GPC6: variants seen among roughly 807,000 people sequenced by gnomAD.
The protein encoded by GPC6 is glypican-6.
GPC6 carries 14 observed loss-of-function variants against 55.2 expected under a neutral mutation model. The observed-to-expected ratio is 0.25, with a 90% CI of 0.17 to 0.40. The LOEUF (loss-of-function observed/expected upper bound fraction) is 0.40, where lower values mean the gene tolerates loss of function less well. Among genes scored for constraint, GPC6 ranks in the 10% least tolerant of loss-of-function variants. The pLI, the probability that GPC6 is intolerant of heterozygous loss-of-function variation, is 1.00. For missense variants in GPC6, 641 were observed against 708.5 expected, an observed-to-expected ratio of 0.90 and a Z score of 1.08; for synonymous variants, 278 against 259.6, an observed-to-expected ratio of 1.07 and a Z score of -0.68.
In GPC6 at chr13:93,227,545, G is replaced by T; in HGVS notation, c.89G>T (p.Cys30Phe). ...GGGGCGGATGTGAAGGCTCGGAGCT[G>T]CGGAGAGGTCCGCCAGGCGTACGGT... is the stretch of plus-strand genomic sequence containing the variant. ...PAGADVKARSCGEVRQAYGAK... is the reference protein window; with the variant it reads ...PAGADVKARSFGEVRQAYGAK... The change falls in exon 1 of 9, where the codon TGC (cysteine) becomes TTC (phenylalanine). Residue 30 changes from cysteine (C) to phenylalanine (F), a missense_variant. By Grantham distance (205) the Cys-to-Phe change is radical (BLOSUM62 -2). Coordinates refer to ENST00000377047, the MANE Select transcript of GPC6 (RefSeq NM_005708.5). This position sits in a 1 kb window ranked among gnomAD's most constrained non-coding sequence, Gnocchi z 4.3. The T allele has an allele frequency of 6.2e-7, 1 of 1,613,450 alleles. No individual in the cohort carries two copies. Among genetic ancestry groups the T allele is most frequent in the Non-Finnish European group, 8.5e-7 (1 of 1,179,654 alleles).
chr13:93,634,876 A>G (rs1879628223), intron 2 of GPC6, among the ~76,000 whole-genome samples: 2 of 152,198 alleles, frequency 1.3e-5, no homozygotes, highest in African/African-American at 4.8e-5. Context: ...AGTAAAAGAA[A>G]GGTGAAAGAA....
chr13:93,793,322 T>C (rs1204336331), intron 2 of GPC6, among the ~76,000 whole-genome samples: 1 of 152,186 alleles, frequency 6.6e-6, no homozygotes, highest in Non-Finnish European at 1.5e-5. Flanking sequence ...TCTGCTTCAG[T>C]TGAGAAATCC....
At chr13:93,288,761 G>A (rs552623579) in intron 1 of GPC6, among the ~76,000 whole-genome samples, 14 of 152,288 alleles carry the variant, frequency 9.2e-5, no homozygotes, top group African/African-American at 2.9e-4. Flanking sequence ...TAACCAATGA[G>A]TGACCTTCAG....
intron 6 of GPC6, among the ~76,000 whole-genome samples, chr13:94,315,322 A>G (rs1354071297): frequency 6.6e-6 from 1 of 152,242 alleles, no homozygotes; most frequent in Non-Finnish European, 1.5e-5. Context: ...GCCCACAACA[A>G]CACAAGTTTA....
chr13:93,929,981 G>A (rs1878073743), intron 3 of GPC6, among the ~76,000 whole-genome samples: 2 of 152,186 alleles, frequency 1.3e-5, no homozygotes, highest in South Asian at 2.1e-4. Flanking sequence ...AATACTGACA[G>A]TAAGTTTACG....
At chr13:93,807,319 T>G (rs1886570116) in intron 2 of GPC6, among the ~76,000 whole-genome samples, 1 of 152,164 alleles carries the variant, frequency 6.6e-6, no homozygotes, top group Non-Finnish European at 1.5e-5. Flanking sequence ...AAAGGTGAGA[T>G]TTAAGGAAAG....
At chr13:93,425,543 C>A (rs562743514) in intron 1 of GPC6, among the ~76,000 whole-genome samples, 5 of 152,118 alleles carry the variant, frequency 3.3e-5, no homozygotes, top group African/African-American at 9.7e-5. Flanking sequence ...ACACAGCCAG[C>A]GGTCAAATCC....
chr13:93,888,678 G>T (rs1875486257), intron 3 of GPC6, among the ~76,000 whole-genome samples: 1 of 152,120 alleles, frequency 6.6e-6, no homozygotes, highest in Non-Finnish European at 1.5e-5. Flanking sequence ...TCCTGAAGTT[G>T]ACAGGAACAT....
At chr13:93,310,980 A>G (rs1424516251) in intron 1 of GPC6, among the ~76,000 whole-genome samples, 1 of 152,208 alleles carries the variant, frequency 6.6e-6, no homozygotes, top group African/African-American at 2.4e-5. Flanking sequence ...ATGAAAAAAT[A>G]TTGAGTAGGT....
chr13:93,231,389 A>ATATATACG (rs1876037272), intron 1 of GPC6, among the ~76,000 whole-genome samples: 4 of 20,900 alleles, frequency 1.9e-4, no homozygotes, highest in African/African-American at 4.1e-4. Context: ...ACATATATAT[A>ATATATACG]TATATATGTA....
At chr13:94,299,111 A>G (rs1875504102) in intron 5 of GPC6, among the ~76,000 whole-genome samples, 1 of 152,234 alleles carries the variant, frequency 6.6e-6, no homozygotes. Context: ...GGGATACAGT[A>G]ATGAACAAAA....
chr13:93,802,673 C>T (rs983569029), intron 2 of GPC6, among the ~76,000 whole-genome samples: 11 of 152,096 alleles, frequency 7.2e-5, no homozygotes, highest in African/African-American at 2.7e-4. Flanking sequence ...TCCAGAATTA[C>T]AGTTGTGAGC....
At chr13:94,045,224 G>C (rs1264989144) in intron 4 of GPC6, among the ~76,000 whole-genome samples, 1 of 151,862 alleles carries the variant, frequency 6.6e-6, no homozygotes, top group Admixed American at 6.6e-5. Flanking sequence ...GTAATTTACT[G>C]ATTGTATAAA....
At chr13:93,792,439 T>C (rs1039738172) in intron 2 of GPC6, among the ~76,000 whole-genome samples, 2 of 152,210 alleles carry the variant, frequency 1.3e-5, no homozygotes, top group African/African-American at 4.8e-5. Flanking sequence ...GCCTCTGGGG[T>C]AGCTGGGAAT....
At chr13:94,352,675 T>C (rs1878610143) in intron 6 of GPC6, among the ~76,000 whole-genome samples, 1 of 152,194 alleles carries the variant, frequency 6.6e-6, no homozygotes, top group South Asian at 2.1e-4. Flanking sequence ...TTCTGCCCTA[T>C]TCCTTATGGC....
chr13:93,231,369 A>G (rs1184394401), intron 1 of GPC6, among the ~76,000 whole-genome samples: 1 of 17,896 alleles, frequency 5.6e-5, no homozygotes, highest in Non-Finnish European at 9.6e-5. Context: ...ACGTATATAT[A>G]TATATATATA....
At chr13:93,468,830 A>C (rs1879007121) in intron 1 of GPC6, among the ~76,000 whole-genome samples, 1 of 152,230 alleles carries the variant, frequency 6.6e-6, no homozygotes, top group South Asian at 2.1e-4. Context: ...GTTTGGCTTG[A>C]TTGTTATAAT....
At chr13:94,037,456 A>G (rs761900368) in intron 4 of GPC6, among the ~76,000 whole-genome samples, 1 of 151,938 alleles carries the variant, frequency 6.6e-6, no homozygotes, top group African/African-American at 2.4e-5. Context: ...CTATTCTTCT[A>G]TTTCTATGGT....
chr13:93,726,743 A>G (rs1883660198), intron 2 of GPC6, among the ~76,000 whole-genome samples: 1 of 152,060 alleles, frequency 6.6e-6, no homozygotes, highest in Non-Finnish European at 1.5e-5. Flanking sequence ...TTATCCCTGC[A>G]CAATGGCCTC....
Sources: gnomAD v4.1 joint callset for allele counts (sites outside exome capture counted in the v4.1 genomes callset) on GRCh38, gnomAD v4.1.1 for gene constraint, Gnocchi (gnomAD v3.1) non-coding constraint, MANE v1.5 for transcripts, NCBI Gene and HGNC (gene_info 2026-07-23, HGNC 2026-07-21) for gene names.